Variants in GRIA2 observed in about 807,000 individuals in gnomAD.
The protein encoded by GRIA2 is glutamate ionotropic receptor AMPA type subunit 2.
In GRIA2, 14 loss-of-function variants were observed where a neutral mutation model predicts 97.3. The ratio of observed to expected loss-of-function variants is 0.14; its 90% confidence interval spans 0.10 to 0.23. GRIA2 has a LOEUF of 0.23. Among genes scored for constraint, GRIA2 ranks in the 10% least tolerant of loss-of-function variants. The pLI is 1.00. For synonymous variants in GRIA2, 412 were observed against 387.8 expected (o/e 1.06, Z -0.73); for missense variants, 558 against 1,069.8 (o/e 0.52, Z 6.67).
At chr4:157,335,600 G>A in intron 9 of GRIA2, 71 bp from the exon 10 acceptor site, 1 of 906,346 alleles carries the variant, frequency 1.1e-6, no homozygotes. Context: ...TAAACCAGAA[G>A]ATTTGATTCA....
intron 2 of GRIA2, among the ~76,000 whole-genome samples, chr4:157,236,874 C>G (rs1294579502): frequency 2.0e-5 from 3 of 152,114 alleles, no homozygotes; most frequent in African/African-American, 7.2e-5. Flanking sequence ...TTATTTGATA[C>G]ATACATTAAA....
chr4:157,278,853 T>C (rs180819373), intron 2 of GRIA2, among the ~76,000 whole-genome samples: 278 of 145,062 alleles, frequency 1.9e-3, no homozygotes, highest in African/African-American at 6.8e-3. Context: ...ACTGAAGATA[T>C]ACTGCAAATA....
chr4:157,257,021 C>A (rs1731308630), intron 2 of GRIA2, among the ~76,000 whole-genome samples: 1 of 151,906 alleles, frequency 6.6e-6, no homozygotes, highest in South Asian at 2.1e-4. Context: ...AAATAAAAAA[C>A]CTTATCATTC....
At chr4:157,232,548 A>C (rs1006368049) in intron 2 of GRIA2, among the ~76,000 whole-genome samples, 1 of 152,118 alleles carries the variant, frequency 6.6e-6, no homozygotes, top group African/African-American at 2.4e-5. Context: ...CCAGGTTTTT[A>C]GTTTTTACTA....
chr4:157,307,607 C>T (rs1733899153), intron 3 of GRIA2, among the ~76,000 whole-genome samples: 1 of 152,176 alleles, frequency 6.6e-6, no homozygotes, highest in Non-Finnish European at 1.5e-5. Context: ...TATGTTAATG[C>T]ATTCAACATT....
intron 2 of GRIA2, among the ~76,000 whole-genome samples, chr4:157,227,766 T>G (rs1295685501): frequency 6.6e-6 from 1 of 152,110 alleles, no homozygotes; most frequent in East Asian, 1.9e-4. Context: ...AAATAAAAAT[T>G]TCTCAGGTTT....
rs1341015902 is a variant in GRIA2, at chr4:157,365,555, A to G, written c.*2124A>G. 6.6e-6 allele frequency: 1 copy of G among 152,060 alleles called. No homozygotes were observed. Among genetic ancestry groups the G allele is most frequent in the African/African-American group, 2.4e-5 (1 of 41,414 alleles). The allele number at this position is 152,060 out of a possible 1,614,324, so 9.4% of individuals were successfully genotyped here. On this transcript the variant is annotated 3_prime_UTR_variant, in exon 16 of 16. Coordinates refer to ENST00000264426, the MANE Select transcript of GRIA2 (RefSeq NM_001083619.3). ...TATATTTTCATGTTTTTATAGATACAACATGACAAGAATACATAATGTAAG... is the reference window on the plus strand; with the variant it reads ...TATATTTTCATGTTTTTATAGATACGACATGACAAGAATACATAATGTAAG...
intron 2 of GRIA2, among the ~76,000 whole-genome samples, chr4:157,278,019 A>C (rs955304300): frequency 6.6e-6 from 1 of 151,248 alleles, no homozygotes; most frequent in Admixed American, 6.6e-5. Flanking sequence ...GAAAGACTCA[A>C]TGTTGTCAAG....
At chr4:157,267,599 G>C (rs1459941917) in intron 2 of GRIA2, among the ~76,000 whole-genome samples, 1 of 151,994 alleles carries the variant, frequency 6.6e-6, no homozygotes, top group African/African-American at 2.4e-5. Context: ...GACCATGTCT[G>C]TGACGTGGCA....
At chr4:157,290,246 G>A (rs1733032570) in intron 2 of GRIA2, among the ~76,000 whole-genome samples, 1 of 151,682 alleles carries the variant, frequency 6.6e-6, no homozygotes, top group Non-Finnish European at 1.5e-5. Flanking sequence ...TTACTTTAGG[G>A]GAAATATTAT....
intron 2 of GRIA2, among the ~76,000 whole-genome samples, chr4:157,249,253 C>G (rs1237353816): frequency 6.6e-6 from 1 of 152,086 alleles, no homozygotes; most frequent in East Asian, 1.9e-4. Flanking sequence ...ACTTGAAAGT[C>G]CCTGTGTACT....
intron 2 of GRIA2, among the ~76,000 whole-genome samples, chr4:157,259,551 T>A (rs1016726071): frequency 1.3e-5 from 2 of 152,150 alleles, no homozygotes; most frequent in Non-Finnish European, 2.9e-5. Flanking sequence ...TAGGGTACAT[T>A]CATCCTGTGT....
chr4:157,343,764 A>G (rs538548647), intron 12 of GRIA2, among the ~76,000 whole-genome samples: 1 of 152,220 alleles, frequency 6.6e-6, no homozygotes, highest in Admixed American at 6.5e-5. Flanking sequence ...TAGGAACTGT[A>G]TATGTTAATT....
At chr4:157,253,122 G>GTT (rs546021162) in intron 2 of GRIA2, among the ~76,000 whole-genome samples, 3 of 141,116 alleles carry the variant, frequency 2.1e-5, no homozygotes, top group African/African-American at 2.6e-5. Flanking sequence ...CCACCTTTTT[G>GTT]TTTTTTTTTT....
At chr4:157,250,231 A>G (rs902857586) in intron 2 of GRIA2, among the ~76,000 whole-genome samples, 18 of 152,152 alleles carry the variant, frequency 1.2e-4, no homozygotes, top group Admixed American at 5.9e-4. Flanking sequence ...AAGTAAGAGT[A>G]GAAACACAAA....
At chr4:157,349,853 A>G (rs1333880096) in intron 12 of GRIA2, among the ~76,000 whole-genome samples, 1 of 152,120 alleles carries the variant, frequency 6.6e-6, no homozygotes, top group African/African-American at 2.4e-5. Flanking sequence ...GAATTAAAGT[A>G]TTTTAAAAGC....
At chr4:157,280,572 G>T (rs547586557) in intron 2 of GRIA2, among the ~76,000 whole-genome samples, 2 of 151,964 alleles carry the variant, frequency 1.3e-5, no homozygotes, top group Non-Finnish European at 2.9e-5. Context: ...TCACTTAGGG[G>T]TCTGCATTCT....
chr4:157,336,314 T>C, intron 10 of GRIA2, 63 bp from the exon 11 acceptor site: 1 of 1,311,182 alleles, frequency 7.6e-7, no homozygotes, highest in Non-Finnish European at 1.1e-6. Context: ...TCCAGTGACA[T>C]AACCACGATT....
rs565885071 is a variant in GRIA2 at position 157,278,667 on chromosome 4, G to A, written c.230-24885G>A. On this transcript the variant is annotated intron_variant, in intron 2 of 15. Coordinates refer to ENST00000264426, the MANE Select transcript of GRIA2 (RefSeq NM_001083619.3). ...TCTGCTCTGTGAGATGCAGTCAGGA[G>A]AATGAGAGGACAAACCACAGAATTT... 1.0e-3 allele frequency among the ~76,000 whole-genome samples: 157 copies of A among 151,990 alleles called. 1 individual carries two copies. The highest frequency in any genetic ancestry group is 9.0e-4 in the Non-Finnish European group (61 of 67,914).
Sources: gnomAD v4.1 joint callset for allele counts (sites outside exome capture counted in the v4.1 genomes callset) on GRCh38, gnomAD v4.1.1 for gene constraint, MANE v1.5 for transcripts, NCBI Gene and HGNC (gene_info 2026-07-23, HGNC 2026-07-21) for gene names.